Variants in PAPPA observed in about 807,000 individuals in gnomAD.
PAPPA encodes the protein pappalysin-1.
A neutral mutation model predicts 164.0 loss-of-function variants in PAPPA; 60 were observed. The ratio of observed to expected loss-of-function variants is 0.37; its 90% CI spans 0.30 to 0.45. The LOEUF (loss-of-function observed/expected upper bound fraction) is 0.45, where lower values mean the gene tolerates loss of function less well. PAPPA is among the 20% of genes least tolerant of loss of function. PAPPA has a pLI of 1.00. For missense variants in PAPPA, 1,782 were observed against 2,087.3 expected, an observed-to-expected ratio of 0.85 and a Z score of 2.85; for synonymous variants, 875 against 814.1, an observed-to-expected ratio of 1.07 and a Z score of -1.27.
At chr9:116,231,305 A>G (rs1844588809) in intron 6 of PAPPA, among the ~76,000 whole-genome samples, 1 of 152,056 alleles carries the variant, frequency 6.6e-6, no homozygotes, top group Middle Eastern at 3.4e-3. Context: ...TTCTTTGTTT[A>G]TTCTTTTCTC....
intron 10 of PAPPA, among the ~76,000 whole-genome samples, chr9:116,329,737 T>C (rs779598818): frequency 2.0e-5 from 3 of 152,230 alleles, no homozygotes; most frequent in Non-Finnish European, 4.4e-5. Flanking sequence ...TCTCTCCATG[T>C]TGATGTCTAT....
chr9:116,219,880 T>C, intron 4 of PAPPA, 57 bp from the exon 5 acceptor site: 2 of 1,453,756 alleles, frequency 1.4e-6, no homozygotes, highest in Non-Finnish European at 1.9e-6. Context: ...CATTACTCTC[T>C]CATATGCCTG....
chr9:116,319,462 A>T (rs532528821), intron 10 of PAPPA, among the ~76,000 whole-genome samples: 55 of 152,284 alleles, frequency 3.6e-4, no homozygotes, highest in Middle Eastern at 3.4e-3. Flanking sequence ...AATATAAATG[A>T]GTGACTAGTG....
In PAPPA at chr9:116,249,430, T is replaced by C. The variant is rs531608348; in HGVS notation, c.2732+13793T>C. On this transcript the variant is annotated intron_variant, in intron 7 of 21. Coordinates refer to ENST00000328252, the MANE Select transcript of PAPPA (RefSeq NM_002581.5). Reference sequence around the variant, plus strand: ...TAGATCATGATGATCCCAGAGTTCATTGCTGTAAGGTCTGGACTTCATCCT... The same window carrying C: ...TAGATCATGATGATCCCAGAGTTCACTGCTGTAAGGTCTGGACTTCATCCT... Among the ~76,000 whole-genome samples, 12 of 152,230 alleles carry C rather than the reference T, an allele frequency of 7.9e-5. 1 individual carries two copies. In the South Asian group the frequency reaches 2.1e-3, roughly 26 times the overall value.
At chr9:116,314,777 G>T (rs555832390) in intron 10 of PAPPA, among the ~76,000 whole-genome samples, 22 of 152,242 alleles carry the variant, frequency 1.4e-4, no homozygotes, top group African/African-American at 4.8e-4. Context: ...ATCCTACAGG[G>T]TTTAGCTCAA....
In PAPPA at chr9:116,331,351, G is replaced by A; in HGVS notation, c.3255G>A (p.Trp1085Ter). 2 of 1,600,770 alleles carry A rather than the reference G, an allele frequency of 1.2e-6. No individual in the cohort carries two copies. The change falls in exon 11 of 22, where the codon TGG becomes TGA. Residue 1085 changes from tryptophan (W) to a stop codon, truncating the protein, a stop_gained. Transcript: ENST00000328252. LOFTEE classifies it high-confidence loss of function. Reference protein sequence around the residue: ...PYSQLAQTTFWLRAYFSQPMV... With the variant: ...PYSQLAQTTF ...CCCAGCTGGCTCAGACCACTTTTTG[G>A]CTCCGGGTAAGCTGAAGCTCTGAGA...
chr9:116,189,238 A>G (rs1463681127), intron 2 of PAPPA, among the ~76,000 whole-genome samples: 1 of 152,214 alleles, frequency 6.6e-6, no homozygotes. Context: ...GTTGAACTGT[A>G]TTTGGGATTC....
At chr9:116,214,452 G>A (rs575831548) in intron 4 of PAPPA, among the ~76,000 whole-genome samples, 2 of 152,146 alleles carry the variant, frequency 1.3e-5, no homozygotes, top group African/African-American at 4.8e-5. Flanking sequence ...ACAAGGCAAA[G>A]GTGAAATCTA....
Position 116,377,621 on chromosome 9 carries a change from C to G in PAPPA, c.4651C>G (p.Leu1551Val). 1.2e-6 allele frequency: 2 copies of G among 1,613,832 alleles called. No homozygotes were observed. The highest frequency in any genetic ancestry group is 1.1e-5 in the South Asian group (1 of 91,064). Residue 1551 changes from leucine (L) to valine (V), a missense_variant, in exon 20 of 22, where the codon CTG (leucine) becomes GTG (valine). By Grantham distance (32) the Leu-to-Val change is conservative. Transcript: ENST00000328252. Reference protein sequence around the residue: ...AGLKWYPHPALIHCVKGCEPF... With the variant: ...AGLKWYPHPAVIHCVKGCEPF... ...TCTCAAGTGGTATCCTCACCCTGCT[C>G]TGATTCACTGTGTCAAAGGCTGTGA...
intron 7 of PAPPA, among the ~76,000 whole-genome samples, chr9:116,264,653 T>G (rs1288881039): frequency 2.0e-5 from 3 of 152,188 alleles, no homozygotes; most frequent in African/African-American, 7.2e-5. Flanking sequence ...TTTTTTGACA[T>G]CATCCTTTTG....
At chr9:116,320,165 C>G (rs745811527) in intron 10 of PAPPA, among the ~76,000 whole-genome samples, 17 of 152,210 alleles carry the variant, frequency 1.1e-4, no homozygotes, top group Non-Finnish European at 2.2e-4. Flanking sequence ...TCTATATTCC[C>G]TTTCCATTGA....
Position 116,168,903 on chromosome 9 carries a change from C to G in PAPPA, c.415+14316C>G, listed in dbSNP as rs3789272. On this transcript the variant is annotated intron_variant, in intron 1 of 21. Transcript: ENST00000328252. ...GTCTCTGAGCTCCTTGGAGCAGAGACCATTTTGGTCTTCATCTTTGCATTA... is the reference window on the plus strand; with the variant it reads ...GTCTCTGAGCTCCTTGGAGCAGAGAGCATTTTGGTCTTCATCTTTGCATTA... Among the ~76,000 whole-genome samples, 954 of 152,238 alleles carry G rather than the reference C, an allele frequency of 6.3e-3. 37 individuals carry two copies. The East Asian group carries it at 0.11, about 17-fold the overall frequency.
At chr9:116,333,070 G>T (rs1339268522) in intron 12 of PAPPA, among the ~76,000 whole-genome samples, 2 of 152,098 alleles carry the variant, frequency 1.3e-5, no homozygotes, top group African/African-American at 4.8e-5. Flanking sequence ...GGCCAAGGGG[G>T]AGGACAAGGG....
chr9:116,218,469 G>T (rs1007169075), intron 4 of PAPPA, among the ~76,000 whole-genome samples: 1 of 152,196 alleles, frequency 6.6e-6, no homozygotes, highest in Admixed American at 6.5e-5. Flanking sequence ...CCTCTGGGAA[G>T]TGGTGTTTTT....
intron 10 of PAPPA, chr9:116,316,318 C>T (rs1182206882): frequency 6.6e-6 from 1 of 152,218 alleles, no homozygotes; most frequent in Non-Finnish European, 1.5e-5. Flanking sequence ...ACTCACATTC[C>T]TTTGATTTAA....
intron 13 of PAPPA, among the ~76,000 whole-genome samples, chr9:116,337,588 C>T (rs1041639578): frequency 6.6e-6 from 1 of 152,022 alleles, no homozygotes; most frequent in Non-Finnish European, 1.5e-5. Flanking sequence ...GTGAAAAGTA[C>T]TGTTTCTCCC....
At chr9:116,300,098 T>A (rs1170053846) in intron 9 of PAPPA, among the ~76,000 whole-genome samples, 2 of 152,104 alleles carry the variant, frequency 1.3e-5, no homozygotes, top group African/African-American at 4.8e-5. Context: ...GGTTATACGA[T>A]ATGTAGAGTG....
intron 9 of PAPPA, among the ~76,000 whole-genome samples, chr9:116,298,110 A>T (rs1450434270): frequency 1.3e-5 from 2 of 152,148 alleles, no homozygotes; most frequent in African/African-American, 4.8e-5. Flanking sequence ...TTTTCCTAAG[A>T]TTTGGTTTTC....
At chr9:116,322,344 A>T (rs1000584874) in intron 10 of PAPPA, among the ~76,000 whole-genome samples, 3 of 139,708 alleles carry the variant, frequency 2.1e-5, no homozygotes, top group African/African-American at 5.3e-5. Flanking sequence ...TGGTAGGCAG[A>T]GGTTGCAGTG....
Sources: gnomAD v4.1 joint callset for allele counts (sites outside exome capture counted in the v4.1 genomes callset) on GRCh38, gnomAD v4.1.1 for gene constraint, MANE v1.5 for transcripts, NCBI Gene and HGNC (gene_info 2026-07-23, HGNC 2026-07-21) for gene names.